The following CACNA2D3 variants were observed in gnomAD, a reference collection of about 807,000 sequenced individuals.
CACNA2D3 encodes the protein calcium voltage-gated channel auxiliary subunit alpha2delta 3, also known as voltage-dependent calcium channel subunit alpha-2/delta-3.
Under a neutral mutation model 160.6 loss-of-function variants are expected in CACNA2D3, and 60 were observed. That is an observed-to-expected ratio of 0.37 (90% CI 0.30 to 0.46). The LOEUF is 0.46. Ranked by LOEUF, CACNA2D3 falls within the 20% of genes least tolerant of loss-of-function variation. The pLI, the probability that CACNA2D3 is intolerant of heterozygous loss-of-function variation, is 1.00. For synonymous variants in CACNA2D3, 558 were observed against 492.9 expected (o/e 1.13, Z -1.75); for missense variants, 1,205 against 1,365.0 (o/e 0.88, Z 1.85).
intron 27 of CACNA2D3, among the ~76,000 whole-genome samples, chr3:54,911,526 T>C (rs533436641): frequency 7.9e-5 from 12 of 151,790 alleles, no homozygotes; most frequent in Non-Finnish European, 1.6e-4. Flanking sequence ...TTCTTGACTC[T>C]TTCCTTTTCC....
intron 35 of CACNA2D3, among the ~76,000 whole-genome samples, chr3:55,040,674 G>A (rs559188159): frequency 1.2e-4 from 18 of 152,112 alleles, no homozygotes; most frequent in Non-Finnish European, 2.4e-4. Flanking sequence ...AACATAGTGA[G>A]ACCTCATCTC....
chr3:54,494,835 G>GGA (rs150550934), intron 4 of CACNA2D3, among the ~76,000 whole-genome samples: 1 of 151,758 alleles, frequency 6.6e-6, no homozygotes. Flanking sequence ...TGAGAGAGAG[G>GGA]GAGAGAGAGA....
intron 27 of CACNA2D3, among the ~76,000 whole-genome samples, chr3:54,959,700 G>T (rs1013554138): frequency 2.6e-5 from 4 of 152,106 alleles, no homozygotes; most frequent in African/African-American, 9.7e-5. Context: ...AATGAAGCCC[G>T]AGGCTTAAAT....
chr3:55,011,615 C>A (rs556873878), intron 34 of CACNA2D3, among the ~76,000 whole-genome samples: 3 of 151,818 alleles, frequency 2.0e-5, no homozygotes, highest in Non-Finnish European at 2.9e-5. Flanking sequence ...ACCCAGGAAA[C>A]AAAACCGTAT....
At chr3:54,593,282 A>G (rs1420049272) in intron 9 of CACNA2D3, among the ~76,000 whole-genome samples, 1 of 152,204 alleles carries the variant, frequency 6.6e-6, no homozygotes, top group Admixed American at 6.5e-5. Context: ...TATATATATT[A>G]CCACAAAAGA....
chr3:54,451,984 C>T (rs1700315556), intron 4 of CACNA2D3, among the ~76,000 whole-genome samples: 1 of 152,198 alleles, frequency 6.6e-6, no homozygotes, highest in South Asian at 2.1e-4. Context: ...TAACAACTTT[C>T]CTCCAGTGTC....
chr3:54,631,470 T>A (rs1699236627), intron 10 of CACNA2D3, among the ~76,000 whole-genome samples: 1 of 152,182 alleles, frequency 6.6e-6, no homozygotes, highest in African/African-American at 2.4e-5. Context: ...GATATTATTA[T>A]CTTCCTGTGT....
chr3:54,711,534 C>G (rs1280649428), intron 11 of CACNA2D3, among the ~76,000 whole-genome samples: 1 of 152,182 alleles, frequency 6.6e-6, no homozygotes, highest in Non-Finnish European at 1.5e-5. Flanking sequence ...TTCCCTACCC[C>G]CACACAGGCA....
At chr3:54,698,269 G>A (rs1346286729) in intron 11 of CACNA2D3, among the ~76,000 whole-genome samples, 1 of 152,128 alleles carries the variant, frequency 6.6e-6, no homozygotes, top group Non-Finnish European at 1.5e-5. Context: ...TGGACATCAG[G>A]GACTGGGGGA....
At chr3:54,123,665 A>G (rs1699524952) in intron 2 of CACNA2D3, 71 bp downstream of exon 2, 2 of 1,269,814 alleles carry the variant, frequency 1.6e-6, no homozygotes, top group East Asian at 2.3e-5. Flanking sequence ...TTAGTTTTCC[A>G]AACAAACGTG....
chr3:54,870,559 G>T (rs1189243421), intron 17 of CACNA2D3, among the ~76,000 whole-genome samples: 1 of 152,158 alleles, frequency 6.6e-6, no homozygotes, highest in African/African-American at 2.4e-5. Flanking sequence ...CCCACAACCA[G>T]CATGAAAGGC....
At chr3:54,984,352 AT>A (rs564184885) in intron 29 of CACNA2D3, among the ~76,000 whole-genome samples, 156 of 152,062 alleles carry the variant, frequency 1.0e-3, no homozygotes, top group African/African-American at 2.9e-3. Flanking sequence ...TTTTAATGCA[AT>A]TTTATTCCAA....
chr3:54,334,437 G>T (rs1704331464), intron 3 of CACNA2D3, among the ~76,000 whole-genome samples: 1 of 152,154 alleles, frequency 6.6e-6, no homozygotes, highest in South Asian at 2.1e-4. Flanking sequence ...CTTTGGAAGG[G>T]AGTGAACTGG....
intron 35 of CACNA2D3, among the ~76,000 whole-genome samples, chr3:55,066,732 C>A (rs1211545765): frequency 6.6e-6 from 1 of 152,178 alleles, no homozygotes; most frequent in African/African-American, 2.4e-5. Context: ...ATCAAAATTG[C>A]TTCCCTCTCC....
At chr3:54,942,206 G>A (rs1367540531) in intron 27 of CACNA2D3, among the ~76,000 whole-genome samples, 1 of 152,214 alleles carries the variant, frequency 6.6e-6, no homozygotes, top group Non-Finnish European at 1.5e-5. Context: ...CTGCCCAGGT[G>A]TGTCAGTGCT....
chr3:54,288,380 T>C (rs1703090221), intron 2 of CACNA2D3, among the ~76,000 whole-genome samples: 1 of 152,242 alleles, frequency 6.6e-6, no homozygotes, highest in South Asian at 2.1e-4. Flanking sequence ...CAGGAAGAAG[T>C]TGAATCTCTG....
At chr3:54,405,199 A>G (rs1699552312) in intron 4 of CACNA2D3, among the ~76,000 whole-genome samples, 1 of 151,468 alleles carries the variant, frequency 6.6e-6, no homozygotes, top group South Asian at 2.1e-4. Context: ...GGCATTCTTC[A>G]CATAAATGTA....
rs541054084 is a variant in CACNA2D3 at position 54,740,222 on chromosome 3, G to A, written c.1168-12377G>A. The stretch of plus-strand genomic sequence containing the variant: ...TTGCAAAGAGGGAACCAGGACAGCC[G>A]TACAAATCACTGTCTGAGAGATTAA... On this transcript the variant is annotated intron_variant, in intron 11 of 37. Transcript: ENST00000474759. Among the ~76,000 whole-genome samples, 25 of 152,218 alleles carry A rather than the reference G, an allele frequency of 1.6e-4. No individual in the cohort carries two copies. In the East Asian group the frequency reaches 4.4e-3, roughly 27 times the overall value.
chr3:54,754,312 T>C (rs1394272686), intron 12 of CACNA2D3, among the ~76,000 whole-genome samples: 1 of 152,216 alleles, frequency 6.6e-6, no homozygotes, highest in Non-Finnish European at 1.5e-5. Flanking sequence ...GAGCAGTCAC[T>C]ATCCACCAAC....
Sources: gnomAD v4.1 joint callset for allele counts (sites outside exome capture counted in the v4.1 genomes callset) on GRCh38, gnomAD v4.1.1 for gene constraint, MANE v1.5 for transcripts, NCBI Gene and HGNC (gene_info 2026-07-23, HGNC 2026-07-21) for gene names.